The following AKAP19 variants were observed in gnomAD, a reference collection of about 807,000 sequenced individuals.
The protein encoded by AKAP19 is A-kinase anchoring protein 19.
the AKAP19 span, among the ~76,000 whole-genome samples, chr2:190,078,710 A>G: frequency 6.6e-6 from 1 of 152,156 alleles, no homozygotes; most frequent in Admixed American, 6.5e-5. Context: ...TTTACTTTTT[A>G]TCCATTTTGC....
the AKAP19 span, among the ~76,000 whole-genome samples, chr2:189,895,053 G>C: frequency 6.6e-6 from 1 of 151,846 alleles, no homozygotes; most frequent in Non-Finnish European, 1.5e-5. Flanking sequence ...ACAAAAAAGT[G>C]ACTTGAACAC....
At chr2:190,202,275 G>GTA in the AKAP19 span, 1 of 166,922 alleles carries the variant, frequency 6.0e-6, no homozygotes, top group South Asian at 2.1e-4. Context: ...TTTTAATAGA[G>GTA]TACAATATCT....
chr2:190,125,124 T>G, the AKAP19 span, among the ~76,000 whole-genome samples: 1 of 152,096 alleles, frequency 6.6e-6, no homozygotes, highest in Admixed American at 6.5e-5. Flanking sequence ...TTTGGAAGTA[T>G]AAGGAGTACA....
chr2:190,106,535 T>G, the AKAP19 span, among the ~76,000 whole-genome samples: 1 of 152,138 alleles, frequency 6.6e-6, no homozygotes, highest in African/African-American at 2.4e-5. Context: ...ACTTGACCAT[T>G]AGTAGTCTTA....
At chr2:190,176,416 C>T in the AKAP19 span, among the ~76,000 whole-genome samples, 2 of 151,768 alleles carry the variant, frequency 1.3e-5, no homozygotes, top group Non-Finnish European at 2.9e-5. This position sits in a 1 kb window ranked among gnomAD's most constrained non-coding sequence, Gnocchi z 4.7. Flanking sequence ...GGTGTGATCT[C>T]GGCTCACTGC....
the AKAP19 span, among the ~76,000 whole-genome samples, chr2:190,100,662 A>T: frequency 6.4e-4 from 98 of 152,354 alleles, no homozygotes; most frequent in African/African-American, 2.3e-3. Context: ...ATTATAAACC[A>T]TCAGGGAAGA....
the AKAP19 span, among the ~76,000 whole-genome samples, chr2:189,958,595 G>A: frequency 1.4e-5 from 2 of 147,446 alleles, no homozygotes; most frequent in South Asian, 4.3e-4. Context: ...TATATACACA[G>A]ACACACACAC....
the AKAP19 span, among the ~76,000 whole-genome samples, chr2:190,007,434 A>G: frequency 2.9e-4 from 44 of 152,224 alleles, no homozygotes; most frequent in Non-Finnish European, 1.6e-4. Flanking sequence ...ACCACAACCT[A>G]TGGGGAATTT....
At chr2:190,193,661 T>C in the AKAP19 span, among the ~76,000 whole-genome samples, 1 of 152,176 alleles carries the variant, frequency 6.6e-6, no homozygotes, top group African/African-American at 2.4e-5. Flanking sequence ...GTTTGCCTTT[T>C]AAACGTATAT....
At chr2:189,883,507 G>GTTTTTT in the AKAP19 span, among the ~76,000 whole-genome samples, 410 of 123,718 alleles carry the variant, frequency 3.3e-3, 3 homozygotes, top group African/African-American at 0.011. Context: ...GTTTCTTCCT[G>GTTTTTT]TTTTTTTTTT....
chr2:190,128,032 C>T, the AKAP19 span, among the ~76,000 whole-genome samples: 2 of 151,862 alleles, frequency 1.3e-5, no homozygotes, highest in East Asian at 1.9e-4. Flanking sequence ...AAGGAAATAA[C>T]AGTAGGGGTG....
chr2:190,051,303 A>G, the AKAP19 span, among the ~76,000 whole-genome samples: 1 of 152,188 alleles, frequency 6.6e-6, no homozygotes, highest in African/African-American at 2.4e-5. Context: ...TAAGCTGAAG[A>G]GAATATATGA....
chr2:189,959,458 A>T, the AKAP19 span, among the ~76,000 whole-genome samples: 1 of 152,142 alleles, frequency 6.6e-6, no homozygotes, highest in East Asian at 1.9e-4. Context: ...ATTTTTTTTC[A>T]GAATTATAGT....
At chr2:189,956,464 C>T in the AKAP19 span, among the ~76,000 whole-genome samples, 10 of 151,986 alleles carry the variant, frequency 6.6e-5, no homozygotes, top group Admixed American at 1.3e-4. Context: ...CCACCGCACC[C>T]GGCCTACTAG....
the AKAP19 span, among the ~76,000 whole-genome samples, chr2:189,902,155 T>C: frequency 6.6e-6 from 1 of 152,050 alleles, no homozygotes; most frequent in Non-Finnish European, 1.5e-5. Flanking sequence ...CTGTGAAGAC[T>C]AGGAGATTAT....
the AKAP19 span, among the ~76,000 whole-genome samples, chr2:190,177,411 A>G: frequency 6.6e-6 from 1 of 152,308 alleles, no homozygotes; most frequent in South Asian, 2.1e-4. This position sits in a 1 kb window ranked among gnomAD's most constrained non-coding sequence, Gnocchi z 4.6. Context: ...TCATTATCAG[A>G]AAACCAACTG....
the AKAP19 span, among the ~76,000 whole-genome samples, chr2:189,904,008 T>A: frequency 6.6e-6 from 1 of 152,088 alleles, no homozygotes; most frequent in East Asian, 1.9e-4. Context: ...TTTATAGTCA[T>A]TTTTGTGTGG....
At chr2:190,032,138 A>G in the AKAP19 span, among the ~76,000 whole-genome samples, 2 of 152,028 alleles carry the variant, frequency 1.3e-5, no homozygotes, top group African/African-American at 4.8e-5. Context: ...CACTGTCTAT[A>G]GTTTTCTGTT....
chr2:190,099,471 A>G, the AKAP19 span, among the ~76,000 whole-genome samples: 1 of 152,340 alleles, frequency 6.6e-6, no homozygotes, highest in South Asian at 2.1e-4. Context: ...ACACGGTTCA[A>G]GGTGCCCCAA....
Sources: allele counts gnomAD v4.1 joint callset (sites outside exome capture counted in the v4.1 genomes callset), GRCh38; gene constraint gnomAD v4.1.1; non-coding constraint Gnocchi (gnomAD v3.1); transcripts MANE v1.5; gene names NCBI Gene and HGNC (gene_info 2026-07-23, HGNC 2026-07-21).